The following SETD1B variants were observed in gnomAD, a reference collection of about 807,000 sequenced individuals.
SETD1B encodes the protein histone-lysine N-methyltransferase SETD1B.
SETD1B carries 7 observed loss-of-function variants against 148.0 expected under a neutral mutation model. The ratio of observed to expected loss-of-function variants is 0.05; its 90% CI spans 0.03 to 0.09. The LOEUF is 0.09. SETD1B is among the 10% of genes least tolerant of loss of function. The pLI, the probability that SETD1B is intolerant of heterozygous loss-of-function variation, is 1.00. For missense variants in SETD1B, 2,155 were observed against 2,729.9 expected (o/e 0.79, Z 4.69); for synonymous variants, 1,361 against 1,186.5 (o/e 1.15, Z -3.02).
chr12:121,816,178 A>G (rs1876284761), intron 7 of SETD1B, among the ~76,000 whole-genome samples: 1 of 152,072 alleles, frequency 6.6e-6, no homozygotes, highest in Non-Finnish European at 1.5e-5. Flanking sequence ...CTTACAGGTA[A>G]TCTAAAATTA....
chr12:121,800,077 C>T (rs1056464885), upstream of SETD1B: 1 of 152,190 alleles, frequency 6.6e-6, no homozygotes, highest in South Asian at 2.1e-4. Context: ...GCCCCTCCCC[C>T]AGCGGCCCGG....
chr12:121,818,001 G>A, intron 10 of SETD1B, 97 bp downstream of exon 10: 2 of 1,291,864 alleles, frequency 1.5e-6, no homozygotes, highest in South Asian at 1.6e-5. Flanking sequence ...GAGCCAAAAT[G>A]TTGTGCTTTT....
Position 121,823,646 on chromosome 12 carries a change from C to T in SETD1B, c.5067C>T (p.Ile1689=), listed in dbSNP as rs1324936409. The change falls in exon 12 of 17, where the codon ATC becomes ATT. Residue 1689 remains isoleucine (I), a synonymous_variant. Coordinates refer to ENST00000604567, the MANE Select transcript of SETD1B (RefSeq NM_001353345.2). ...TGTATGACATCTGGAACGGTGGCAT[C>T]GATGAGGAGGACATCCGCTTCCTGT... is the stretch of plus-strand genomic sequence containing the variant. The part of the protein sequence containing the change: ...TILYDIWNGG[I]DEEDIRFLCV... The T allele has an allele frequency of 7.1e-6, 11 of 1,551,430 alleles. No individual in the cohort carries two copies. Among genetic ancestry groups the T allele is most frequent in the South Asian group, 5.9e-5 (5 of 84,070 alleles).
At chr12:121,800,903 A>G (rs910369233), upstream of SETD1B, 1 of 151,776 alleles carries the variant, frequency 6.6e-6, no homozygotes, top group Non-Finnish European at 1.5e-5. Flanking sequence ...GGACGGAGGA[A>G]AGGAGGAAGG....
Position 121,827,761 on chromosome 12 carries a change from C to T in SETD1B, c.5496C>T (p.Cys1832=), listed in dbSNP as rs1180064011. The change falls in exon 15 of 17, where the codon TGC becomes TGT. Residue 1832 remains cysteine (C), a synonymous_variant. Coordinates refer to ENST00000604567, the MANE Select transcript of SETD1B (RefSeq NM_001353345.2). ...LKFRKKKLKF[C]KSHIHDWGLF... ...TCCGGAAGAAAAAGCTCAAGTTCTG[C>T]AAGAGCCACATTCACGACTGGGGCT... 3.2e-6 allele frequency: 5 copies of T among 1,552,342 alleles called. No homozygotes were observed. The highest frequency in any genetic ancestry group is 1.7e-4 in the Middle Eastern group (1 of 5,998).
At chr12:121,829,949 T>TG (rs1877014375) in intron 16 of SETD1B, 117 bp from the exon 17 acceptor site, 1 of 889,814 alleles carries the variant, frequency 1.1e-6, no homozygotes, top group South Asian at 1.7e-5. Flanking sequence ...AGCAGTGGGC[T>TG]GGGGGTCACG....
intron 16 of SETD1B, among the ~76,000 whole-genome samples, chr12:121,829,252 G>C (rs1484417438): frequency 6.6e-6 from 1 of 152,164 alleles, no homozygotes; most frequent in African/African-American, 2.4e-5. Context: ...GATTTTTTCA[G>C]GGGTGAGAGT....
Position 121,804,918 on chromosome 12 carries a change from A to C in SETD1B, c.174+7A>C. ...GCAGCATTTCAGCCTGGCGGTGAGT[A>C]GCCGGCGCGCCCCCCCAGCCGTGCC... On this transcript the variant is annotated splice_region_variant and intron_variant, in intron 2 of 16. Coordinates refer to ENST00000604567, the MANE Select transcript of SETD1B (RefSeq NM_001353345.2). This position sits in a 1 kb window ranked among gnomAD's most constrained non-coding sequence, Gnocchi z 4.6. The C allele has an allele frequency of 6.7e-7, 1 of 1,490,306 alleles. No homozygotes were observed. The highest frequency in any genetic ancestry group is 9.0e-7 in the Non-Finnish European group (1 of 1,117,164). The allele number at this position is 1,490,306 out of a possible 1,614,324, so 92.3% of individuals were successfully genotyped here. A position where few individuals can be genotyped will look rare whatever the true frequency, so the allele number is the denominator to read the frequency against.
In SETD1B at chr12:121,819,639, G is replaced by A; in HGVS notation, c.3654G>A (p.Leu1218=). ...DFEQDGEEAA[L]APGAPAVDSL... is the part of the protein sequence containing the mutation. ...AGCAGGACGGGGAGGAAGCGGCTCT[G>A]GCCCCGGGGGCACCTGCAGTGGACT... Residue 1218 remains leucine, a synonymous_variant, in exon 11 of 17, where the codon CTG becomes CTA. Transcript: ENST00000604567. The A allele has an allele frequency of 6.4e-7, 1 of 1,551,674 alleles. No individual in the cohort carries two copies. The highest frequency in any genetic ancestry group is 1.2e-5 in the South Asian group (1 of 84,056).
the SETD1B span, chr12:121,797,230 G>A: frequency 1.8e-4 from 64 of 357,652 alleles, no homozygotes; most frequent in Non-Finnish European, 3.0e-4. Context: ...CTAGGGCTCC[G>A]GGCGGAGAGG....
intron 10 of SETD1B, among the ~76,000 whole-genome samples, chr12:121,818,321 G>C (rs909567725): frequency 1.3e-5 from 2 of 152,328 alleles, no homozygotes; most frequent in South Asian, 2.1e-4. Flanking sequence ...CCAGCACTTT[G>C]AGAGGCCTAG....
At chr12:121,797,173 C>G in the SETD1B span, 1 of 345,548 alleles carries the variant, frequency 2.9e-6, no homozygotes, top group Non-Finnish European at 5.7e-6. Context: ...ACAGCCCAGG[C>G]AGAGGCTGTG....
At chr12:121,797,023 C>CT in the SETD1B span, among the ~76,000 whole-genome samples, 6 of 148,328 alleles carry the variant, frequency 4.0e-5, no homozygotes, top group South Asian at 2.1e-4. Flanking sequence ...GAGCGAAACT[C>CT]TGTCTCAAAA....
the SETD1B span, chr12:121,793,005 A>G: frequency 3.0e-6 from 2 of 673,132 alleles, no homozygotes; most frequent in Non-Finnish European, 5.0e-6. Context: ...CCCCGCAGCC[A>G]GCGCCCCTGA....
rs777987006 is a variant in SETD1B, at chr12:121,817,664, G to A, written c.3272G>A (p.Ser1091Asn). The A allele has an allele frequency of 2.6e-6, 4 of 1,550,662 alleles. No homozygotes were observed. In the African/African-American group the frequency reaches 4.1e-5, roughly 16 times the overall value. The change falls in exon 9 of 17, where the codon AGC becomes AAC. Residue 1091 changes from serine to asparagine, a missense_variant. Transcript: ENST00000604567. This position sits in a 1 kb window ranked among gnomAD's most constrained non-coding sequence, Gnocchi z 8.1. ...EEEEEEEVPR[S>N]QLSSSSTSST... ...GAGGAGGAGGAGGAAGTCCCCAGGA[G>A]CCAGCTCTCCTCCTCCTCAACCTCA...
chr12:121,827,674 C>A (rs375572954), intron 14 of SETD1B, 24 bp downstream of exon 14: 2 of 1,551,486 alleles, frequency 1.3e-6, no homozygotes, highest in African/African-American at 2.7e-5. Flanking sequence ...TCACCCAGAT[C>A]GCCGGGGTGG....
intron 6 of SETD1B, among the ~76,000 whole-genome samples, chr12:121,812,530 C>G (rs1179198941): frequency 6.6e-6 from 1 of 151,972 alleles, no homozygotes; most frequent in Admixed American, 6.5e-5. Flanking sequence ...CCGCTTCTCA[C>G]CCCGAGACTG....
chr12:121,792,769 C>T, the SETD1B span, among the ~76,000 whole-genome samples: 4 of 152,198 alleles, frequency 2.6e-5, no homozygotes, highest in Non-Finnish European at 5.9e-5. Context: ...CCAGGCAATC[C>T]GAGCACCAAG....
At chr12:121,818,587 T>C (rs1876410829) in intron 10 of SETD1B, among the ~76,000 whole-genome samples, 1 of 151,044 alleles carries the variant, frequency 6.6e-6, no homozygotes, top group South Asian at 2.1e-4. Context: ...ATAAAATTTT[T>C]TTTACAAAGT....
Sources: allele counts gnomAD v4.1 joint callset (sites outside exome capture counted in the v4.1 genomes callset), GRCh38; gene constraint gnomAD v4.1.1; non-coding constraint Gnocchi (gnomAD v3.1); transcripts MANE v1.5; gene names NCBI Gene and HGNC (gene_info 2026-07-23, HGNC 2026-07-21).